Variants in COL4A2 observed in about 807,000 individuals in gnomAD.
COL4A2 encodes collagen alpha-2(IV) chain.
In COL4A2, 99 loss-of-function variants were observed where a neutral mutation model predicts 200.2. The observed-to-expected ratio is 0.49, with a 90% confidence interval of 0.42 to 0.58. The LOEUF is 0.58. Ranked by LOEUF, COL4A2 falls within the 20% of genes least tolerant of loss-of-function variation. COL4A2 has a pLI of 0.00. For synonymous variants in COL4A2, 897 were observed against 900.6 expected, an observed-to-expected ratio of 1.00 and a Z score of 0.07; for missense variants, 1,950 against 2,314.1, an observed-to-expected ratio of 0.84 and a Z score of 3.23.
Position 110,354,423 on chromosome 13 carries a change from A to C in COL4A2, c.100-3049A>C, listed in dbSNP as rs961475173. ...GGGATTTATGAGCCCCATTGCAGAT[A>C]AACATTGGAGCCATTGAAAAATTGG... On this transcript the variant is annotated intron_variant, in intron 3 of 47. Transcript: ENST00000360467. Among the ~76,000 whole-genome samples the C allele has an allele frequency of 3.3e-5, 5 of 152,344 alleles. No homozygotes were observed. In the East Asian group the frequency reaches 5.8e-4, roughly 18 times the overall value.
chr13:110,318,697 C>T (rs1045316842), intron 3 of COL4A2, among the ~76,000 whole-genome samples: 5 of 152,160 alleles, frequency 3.3e-5, no homozygotes, highest in Admixed American at 6.5e-5. Flanking sequence ...ACCTTATGCA[C>T]GTGCCCAGAG....
At chr13:110,350,759 G>T (rs1271488434) in intron 3 of COL4A2, among the ~76,000 whole-genome samples, 1 of 152,216 alleles carries the variant, frequency 6.6e-6, no homozygotes, top group Non-Finnish European at 1.5e-5. Context: ...AGAAAGGTGG[G>T]GTGGGGCCTG....
In COL4A2 at chr13:110,503,382, G is replaced by A; in HGVS notation, c.4040-1G>A. On this transcript the variant is annotated splice_acceptor_variant, in intron 42 of 47. Coordinates refer to ENST00000360467, the MANE Select transcript of COL4A2 (RefSeq NM_001846.4). LOFTEE classifies it high-confidence loss of function. ...TCCCTAACGTCTTGTTTGTGTTGCA[G>A]GGCCCAGGGGTGAACAAGGCTTCAT... 6.3e-7 allele frequency: 1 copy of A among 1,592,636 alleles called. No homozygotes were observed. The highest frequency in any genetic ancestry group is 8.5e-7 in the Non-Finnish European group (1 of 1,170,552).
intron 3 of COL4A2, among the ~76,000 whole-genome samples, chr13:110,335,481 A>T (rs1267462056): frequency 6.6e-6 from 1 of 152,136 alleles, no homozygotes; most frequent in Non-Finnish European, 1.5e-5. Flanking sequence ...ACCATGTAAG[A>T]CGTGCCTTTT....
chr13:110,432,602 C>T (rs1425426529), intron 11 of COL4A2, among the ~76,000 whole-genome samples: 1 of 152,178 alleles, frequency 6.6e-6, no homozygotes, highest in Non-Finnish European at 1.5e-5. Context: ...TTACCACATG[C>T]CTGTTGGTAT....
At chr13:110,321,782 C>T (rs147372598) in intron 3 of COL4A2, among the ~76,000 whole-genome samples, 13 of 152,294 alleles carry the variant, frequency 8.5e-5, no homozygotes, top group South Asian at 2.1e-4. Context: ...ACATGGATGG[C>T]AGCAGGCAAA....
At chr13:110,480,481 G>A (rs775205320) in intron 31 of COL4A2, 91 bp downstream of exon 31, 13 of 1,349,054 alleles carry the variant, frequency 9.6e-6, no homozygotes, top group Admixed American at 5.4e-5. Context: ...GCGCCTCTGT[G>A]GGCCGTGGGG....
intron 11 of COL4A2, 103 bp downstream of exon 11, chr13:110,432,463 T>C: frequency 1.5e-6 from 2 of 1,373,430 alleles, no homozygotes; most frequent in Non-Finnish European, 1.9e-6. Context: ...AACTATTTAT[T>C]GTTTATATTA....
At chr13:110,342,363 A>G (rs1876495955) in intron 3 of COL4A2, among the ~76,000 whole-genome samples, 1 of 152,186 alleles carries the variant, frequency 6.6e-6, no homozygotes, top group African/African-American at 2.4e-5. Flanking sequence ...ACTCAGTGAA[A>G]ATCCTAAAGC....
intron 20 of COL4A2, 63 bp from the exon 21 acceptor site, chr13:110,457,280 C>T (rs374206224): frequency 3.7e-6 from 3 of 809,420 alleles, no homozygotes; most frequent in South Asian, 2.8e-5. Flanking sequence ...TGATGCCCTG[C>T]GTCTGCGTGG....
intron 4 of COL4A2, among the ~76,000 whole-genome samples, chr13:110,376,825 G>A (rs977306120): frequency 2.0e-5 from 3 of 152,124 alleles, no homozygotes; most frequent in Admixed American, 6.5e-5. Context: ...AGGCCAGGCC[G>A]AGTGCAGCCT....
intron 28 of COL4A2, among the ~76,000 whole-genome samples, chr13:110,472,489 C>T (rs913116699): frequency 2.0e-5 from 3 of 152,064 alleles, no homozygotes; most frequent in Non-Finnish European, 4.4e-5. Flanking sequence ...GGAGATGTTA[C>T]GGCAGGCAGC....
chr13:110,345,493 C>CGG (rs1876657669), intron 3 of COL4A2, among the ~76,000 whole-genome samples: 1 of 152,162 alleles, frequency 6.6e-6, no homozygotes, highest in Non-Finnish European at 1.5e-5. Flanking sequence ...TTCACACCCT[C>CGG]ACCTTCCCTA....
intron 4 of COL4A2, among the ~76,000 whole-genome samples, chr13:110,398,005 A>G (rs2139428234): frequency 6.6e-6 from 1 of 152,226 alleles, no homozygotes; most frequent in South Asian, 2.1e-4. Context: ...GATGCAGGCT[A>G]AAGCGAAAGA....
intron 45 of COL4A2, among the ~76,000 whole-genome samples, chr13:110,504,960 T>A (rs1161903246): frequency 1.3e-5 from 2 of 151,528 alleles, no homozygotes; most frequent in Non-Finnish European, 2.9e-5. Flanking sequence ...AGGCCAGGAA[T>A]AACAGCTATT....
chr13:110,388,035 C>G (rs1202416048), intron 4 of COL4A2, among the ~76,000 whole-genome samples: 1 of 152,192 alleles, frequency 6.6e-6, no homozygotes, highest in Non-Finnish European at 1.5e-5. Flanking sequence ...TGAAAATGGA[C>G]TAAATGATGA....
intron 29 of COL4A2, among the ~76,000 whole-genome samples, chr13:110,474,470 G>C (rs1882600050): frequency 6.6e-6 from 1 of 152,182 alleles, no homozygotes; most frequent in Non-Finnish European, 1.5e-5. Context: ...AGTGCCCCCA[G>C]CTGTTGATAC....
At chr13:110,340,857 G>A (rs1876416334) in intron 3 of COL4A2, 2 of 152,206 alleles carry the variant, frequency 1.3e-5, no homozygotes, top group South Asian at 2.1e-4. Context: ...TCAGCCATGC[G>A]ATTCTGGGGA....
In COL4A2 at chr13:110,373,298, G is replaced by A. The variant is rs149606656; in HGVS notation, c.180+15746G>A. Among the ~76,000 whole-genome samples, 117 of 152,328 alleles carry A rather than the reference G, an allele frequency of 7.7e-4. 1 individual carries two copies. Among genetic ancestry groups the A allele is most frequent in the African/African-American group, 2.5e-3 (103 of 41,576 alleles). On this transcript the variant is annotated intron_variant, in intron 4 of 47. Coordinates refer to ENST00000360467, the MANE Select transcript of COL4A2 (RefSeq NM_001846.4). ...GTAGGGAAATGATTTACAAATGTTAGCCTTCTTTACCTTCACAGAGTTGAT... is the reference window on the plus strand; with the variant it reads ...GTAGGGAAATGATTTACAAATGTTAACCTTCTTTACCTTCACAGAGTTGAT...
Sources: gnomAD v4.1 joint callset for allele counts (sites outside exome capture counted in the v4.1 genomes callset) on GRCh38, gnomAD v4.1.1 for gene constraint, MANE v1.5 for transcripts, NCBI Gene and HGNC (gene_info 2026-07-23, HGNC 2026-07-21) for gene names.